The following DMD variants were observed in gnomAD, a reference collection of about 807,000 sequenced individuals.
DMD encodes the protein mutant dystrophin.
DMD carries 63 observed loss-of-function variants against 330.1 expected under a neutral mutation model. The observed-to-expected ratio is 0.19, with a 90% CI of 0.16 to 0.24. The LOEUF is 0.24. DMD is among the 10% of genes least tolerant of loss of function. The pLI is 1.00. For missense variants in DMD, 3,344 were observed against 2,684.1 expected (o/e 1.25, Z -5.43); for synonymous variants, 1,223 against 959.8 (o/e 1.27, Z -5.07).
intron 62 of DMD, among the ~76,000 whole-genome samples, chrX:31,277,327 T>C (rs2052216893): frequency 8.9e-6 from 1 of 111,953 alleles, no homozygotes; most frequent in Non-Finnish European, 1.9e-5. Context: ...ATCTCCCTTA[T>C]TTTCTACATG....
At chrX:32,636,134 T>A (rs904107721) in intron 11 of DMD, among the ~76,000 whole-genome samples, 1 of 112,006 alleles carries the variant, frequency 8.9e-6, no homozygotes, top group African/African-American at 3.2e-5. Flanking sequence ...AATTATACAG[T>A]TTTTATCCCC....
At chrX:32,409,637 G>T (rs963302694) in intron 30 of DMD, among the ~76,000 whole-genome samples, 3 of 111,397 alleles carry the variant, frequency 2.7e-5, no homozygotes, top group African/African-American at 9.8e-5. Context: ...ATTTCATTCC[G>T]CAAGTCTGTC....
intron 55 of DMD, among the ~76,000 whole-genome samples, chrX:31,555,959 T>C (rs1261572622): frequency 8.9e-6 from 1 of 111,997 alleles, no homozygotes; most frequent in East Asian, 2.8e-4. Context: ...TTGGATAGGC[T>C]GCCTGGTAGT....
At chrX:32,944,805 G>C (rs902076178) in intron 2 of DMD, among the ~76,000 whole-genome samples, 5 of 109,562 alleles carry the variant, frequency 4.6e-5, no homozygotes, top group Non-Finnish European at 9.5e-5. Context: ...TGGGTTTCAC[G>C]ATGTTGGTTA....
chrX:31,725,979 C>A (rs1400511093), intron 52 of DMD, among the ~76,000 whole-genome samples: 1 of 112,259 alleles, frequency 8.9e-6, no homozygotes, highest in Non-Finnish European at 1.9e-5. Flanking sequence ...TTAAATTCTT[C>A]TAATCTTATC....
intron 54 of DMD, among the ~76,000 whole-genome samples, chrX:31,629,063 TTGTC>T (rs745393782): frequency 1.2e-3 from 135 of 110,224 alleles, no homozygotes; most frequent in African/African-American, 4.4e-3. Flanking sequence ...CAGGTAAACT[TTGTC>T]TGCAATGAGG....
At chrX:32,316,837 C>T (rs1213724528) in intron 41 of DMD, among the ~76,000 whole-genome samples, 1 of 110,721 alleles carries the variant, frequency 9.0e-6, no homozygotes, top group Non-Finnish European at 1.9e-5. Flanking sequence ...TATAGCATTC[C>T]TATTGACACA....
At chrX:31,686,563 T>C (rs1468829550) in intron 52 of DMD, among the ~76,000 whole-genome samples, 1 of 112,448 alleles carries the variant, frequency 8.9e-6, no homozygotes, top group Non-Finnish European at 1.9e-5. Context: ...TTTAATGTCA[T>C]GTTTACTAGT....
rs183070543 is a variant in DMD, at chrX:32,243,965, T to A, written c.6291-26902A>T. Among the ~76,000 whole-genome samples the A allele has an allele frequency of 6.6e-3, 720 of 108,825 alleles. 6 individuals are homozygous for A. The highest frequency in any genetic ancestry group is 0.022 in the African/African-American group (669 of 29,912). The allele number at this position is 108,825 out of a possible 115,157, so 94.5% of individuals were successfully genotyped here. ...AACAAGAGGAACGAACTTTTTTTTT[T>A]TTATTATACTTTAAGTTTTAGGGTA... On this transcript the variant is annotated intron_variant, in intron 43 of 78. Transcript: ENST00000357033.
intron 7 of DMD, among the ~76,000 whole-genome samples, chrX:32,706,127 C>CA (rs776588720): frequency 0.02 from 2,055 of 101,817 alleles, 68 homozygotes; most frequent in African/African-American, 0.07. Context: ...ATCACAAGGA[C>CA]AAAAAACCAA....
chrX:32,176,099 G>A (rs2606663), intron 44 of DMD, among the ~76,000 whole-genome samples: 2,104 of 111,645 alleles, frequency 0.019, 30 homozygotes, highest in Middle Eastern at 0.033. Flanking sequence ...GGAATGCTTT[G>A]CCCCTACATC....
chrX:32,766,198 A>G (rs191412463), intron 7 of DMD, among the ~76,000 whole-genome samples: 21 of 110,999 alleles, frequency 1.9e-4, no homozygotes, highest in South Asian at 3.8e-4. Flanking sequence ...ATTACATGGG[A>G]ATTTTTGATA....
At chrX:32,976,395 T>C (rs902726516) in intron 2 of DMD, among the ~76,000 whole-genome samples, 3 of 111,192 alleles carry the variant, frequency 2.7e-5, no homozygotes, top group Non-Finnish European at 3.8e-5. Context: ...AAATGAGTAA[T>C]TGTTTCATGT....
At chrX:32,521,459 T>C (rs777563626) in intron 17 of DMD, among the ~76,000 whole-genome samples, 1 of 105,131 alleles carries the variant, frequency 9.5e-6, no homozygotes, top group East Asian at 3.0e-4. Context: ...CATTATGTAC[T>C]AGATGTCAAG....
At chrX:31,369,520 C>A (rs1423584064) in intron 60 of DMD, among the ~76,000 whole-genome samples, 2 of 111,838 alleles carry the variant, frequency 1.8e-5, no homozygotes, top group Non-Finnish European at 3.8e-5. Flanking sequence ...AGAAATAATA[C>A]CCTAATTTTT....
At chrX:32,799,092 C>G (rs1342203804) in intron 7 of DMD, among the ~76,000 whole-genome samples, 2 of 111,043 alleles carry the variant, frequency 1.8e-5, no homozygotes, top group Non-Finnish European at 3.8e-5. Context: ...GGTTAAAATC[C>G]TGCATGCATA....
At chrX:32,182,527 C>A (rs1337541485) in intron 44 of DMD, among the ~76,000 whole-genome samples, 1 of 111,157 alleles carries the variant, frequency 9.0e-6, no homozygotes, top group African/African-American at 3.3e-5. Context: ...ATCCCCCTCC[C>A]CCCAGGTCTG....
rs772468219 is a variant in DMD at position 32,504,252 on chromosome X, G to C, written c.2293-2410C>G. Among the ~76,000 whole-genome samples the C allele has an allele frequency of 6.3e-5, 7 of 111,985 alleles. No individual in the cohort carries two copies. In the East Asian group the frequency reaches 2.0e-3, roughly 31 times the overall value. ...AACTTCATTGGAAGTTTATACTTTT[G>C]ATGGTGAAATATCTGACATTATTGT... On this transcript the variant is annotated intron_variant, in intron 18 of 78. Transcript: ENST00000357033.
chrX:31,774,574 A>AC (rs1556880684), intron 50 of DMD, among the ~76,000 whole-genome samples: 1 of 107,973 alleles, frequency 9.3e-6, no homozygotes, highest in Non-Finnish European at 1.9e-5. Context: ...AATTTTACTT[A>AC]TTTTTTTTTT....
Sources: allele counts gnomAD v4.1 joint callset (sites outside exome capture counted in the v4.1 genomes callset), GRCh38; gene constraint gnomAD v4.1.1; transcripts MANE v1.5; gene names NCBI Gene and HGNC (gene_info 2026-07-23, HGNC 2026-07-21).